Variants in RSPH14 observed in about 807,000 individuals in gnomAD.
RSPH14 encodes rhabdoid tumor deletion region gene 1.
In RSPH14, 20 loss-of-function variants were observed where a neutral mutation model predicts 26.7. The observed-to-expected ratio is 0.75, with a 90% confidence interval of 0.53 to 1.09. The LOEUF (loss-of-function observed/expected upper bound fraction) is 1.09, where lower values mean the gene tolerates loss of function less well. Ranked by LOEUF, RSPH14 falls within the 50% of genes least tolerant of loss-of-function variation. The pLI, the probability that RSPH14 is intolerant of heterozygous loss-of-function variation, is 0.00. For missense variants in RSPH14, 449 were observed against 457.2 expected (o/e 0.98, Z 0.16); for synonymous variants, 177 against 189.3 (o/e 0.93, Z 0.53).
the RSPH14 span, chr22:23,158,881 C>T: frequency 1.2e-6 from 2 of 1,611,510 alleles, no homozygotes; most frequent in Non-Finnish European, 1.7e-6. Flanking sequence ...CTCTCAGCCT[C>T]TCTCCTTACA....
At chr22:23,124,529 G>A (rs980795373) in intron 4 of RSPH14, 2 of 308,822 alleles carry the variant, frequency 6.5e-6, no homozygotes, top group Non-Finnish European at 1.4e-5. Flanking sequence ...AAATAAACAC[G>A]ACATATTTAA....
upstream of RSPH14, among the ~76,000 whole-genome samples, chr22:23,144,349 A>T (rs2070670995): frequency 6.6e-6 from 1 of 152,216 alleles, no homozygotes; most frequent in African/African-American, 2.4e-5. Context: ...GGCATATACC[A>T]GGAAGCTTTC....
chr22:23,083,790 C>T (rs895353105), intron 4 of RSPH14, among the ~76,000 whole-genome samples: 4 of 152,214 alleles, frequency 2.6e-5, no homozygotes, highest in Non-Finnish European at 2.9e-5. Context: ...GTCCCACTGC[C>T]GAACCAGCGG....
chr22:23,123,569 T>G (rs1375055630), intron 4 of RSPH14: 1 of 612,186 alleles, frequency 1.6e-6, no homozygotes, highest in Admixed American at 2.9e-5. Context: ...CTCTGCCTCC[T>G]TGGCCCCACA....
chr22:23,152,887 G>A, the RSPH14 span: 2 of 659,330 alleles, frequency 3.0e-6, no homozygotes, highest in Admixed American at 2.7e-5. Context: ...CTTGCTGGCT[G>A]CCCTGCCCAC....
chr22:23,101,865 C>A lies in RSPH14; in HGVS notation c.421+32161G>T, dbSNP rs143086954. Among the ~76,000 whole-genome samples the A allele has an allele frequency of 2.2e-4, 34 of 152,330 alleles. No individual in the cohort carries two copies. The East Asian group carries it at 6.6e-3, about 29-fold the overall frequency. ...ACAGAGGACCAAGCCCACAGCAGCACCCTGATGGCACCTCGCATGGCAGGC... is the reference window on the plus strand; with the variant it reads ...ACAGAGGACCAAGCCCACAGCAGCAACCTGATGGCACCTCGCATGGCAGGC... On this transcript the variant is annotated intron_variant, in intron 4 of 6. Transcript: ENST00000216036.
rs998407756 is a variant in RSPH14, at chr22:23,064,994, C to T, written c.422-861G>A. 2.0e-5 allele frequency among the ~76,000 whole-genome samples: 3 copies of T among 152,182 alleles called. No homozygotes were observed. In the East Asian group the frequency reaches 5.8e-4, roughly 29 times the overall value. On this transcript the variant is annotated intron_variant, in intron 4 of 6. Transcript: ENST00000216036. ...CACAGGGAATGTGCACAGTGCCCTT[C>T]CCTACGGCACGCAGCTGCCCTCGCC...
the RSPH14 span, among the ~76,000 whole-genome samples, chr22:23,175,977 C>CTA: frequency 6.6e-6 from 1 of 152,258 alleles, no homozygotes; most frequent in Admixed American, 6.5e-5. Flanking sequence ...TACTTCCCCC[C>CTA]TAGTCCAGTA....
At chr22:23,096,252 T>C in intron 4 of RSPH14, 2 of 1,614,026 alleles carry the variant, frequency 1.2e-6, no homozygotes, top group Non-Finnish European at 1.7e-6. Context: ...ACGGGCATTG[T>C]GGAGAACAAG....
the RSPH14 span, among the ~76,000 whole-genome samples, chr22:23,155,228 C>T: frequency 2.0e-5 from 3 of 152,176 alleles, no homozygotes; most frequent in Non-Finnish European, 2.9e-5. Context: ...CCTCAAAAAG[C>T]GATGGATTGG....
At chr22:23,070,809 C>G (rs1040194764) in intron 4 of RSPH14, 6 of 152,154 alleles carry the variant, frequency 3.9e-5, no homozygotes, top group Non-Finnish European at 1.5e-5. Context: ...GATGCGCCGC[C>G]AAGCCGATGA....
At chr22:23,143,754 A>C (rs2070645416), upstream of RSPH14, among the ~76,000 whole-genome samples, 1 of 152,184 alleles carries the variant, frequency 6.6e-6, no homozygotes, top group South Asian at 2.1e-4. Context: ...GCCCAGTGTC[A>C]GTTTGGTTTC....
chr22:23,118,667 G>C (rs953920771), intron 4 of RSPH14, among the ~76,000 whole-genome samples: 1 of 152,224 alleles, frequency 6.6e-6, no homozygotes, highest in South Asian at 2.1e-4. Flanking sequence ...GGTCATGGTT[G>C]GCAGAGGCAG....
chr22:23,130,105 AAG>A (rs1491267447), intron 4 of RSPH14, among the ~76,000 whole-genome samples: 35 of 87,756 alleles, frequency 4.0e-4, no homozygotes, highest in South Asian at 1.8e-3. Context: ...GAAAGAAAGA[AAG>A]AAAGAAAGAA....
chr22:23,083,474 T>C (rs2068733223), intron 4 of RSPH14, among the ~76,000 whole-genome samples: 1 of 152,258 alleles, frequency 6.6e-6, no homozygotes, highest in African/African-American at 2.4e-5. Context: ...CCGAGCTCTG[T>C]ACAAATATTT....
At chr22:23,111,118 A>C (rs1057229305) in intron 4 of RSPH14, among the ~76,000 whole-genome samples, 1 of 152,254 alleles carries the variant, frequency 6.6e-6, no homozygotes, top group Admixed American at 6.5e-5. Flanking sequence ...GGAATGACTC[A>C]TGCCTCCTCC....
chr22:23,161,039 G>A, the RSPH14 span: 3 of 1,558,802 alleles, frequency 1.9e-6, no homozygotes, highest in Middle Eastern at 3.4e-4. Context: ...GGAGTAGGCT[G>A]GAGGCCTAAA....
At chr22:23,108,928 C>T (rs78508313) in intron 4 of RSPH14, among the ~76,000 whole-genome samples, 6,709 of 152,246 alleles carry the variant, frequency 0.044, 520 homozygotes, top group African/African-American at 0.15. Flanking sequence ...GTGCATGCTA[C>T]AGGAGCTTAG....
chr22:23,110,385 G>A (rs111884159), intron 4 of RSPH14, among the ~76,000 whole-genome samples: 9 of 152,332 alleles, frequency 5.9e-5, no homozygotes, highest in Admixed American at 1.3e-4. Context: ...TGACAAGAGC[G>A]AGCCACGTTC....
Sources: allele counts gnomAD v4.1 joint callset (sites outside exome capture counted in the v4.1 genomes callset), GRCh38; gene constraint gnomAD v4.1.1; transcripts MANE v1.5; gene names NCBI Gene and HGNC (gene_info 2026-07-23, HGNC 2026-07-21).